The following CNTN4 variants were observed in gnomAD, a reference collection of about 807,000 sequenced individuals.
CNTN4 encodes the protein contactin 4.
Under a neutral mutation model 122.5 loss-of-function variants are expected in CNTN4, and 77 were observed. The ratio of observed to expected loss-of-function variants is 0.63; its 90% confidence interval spans 0.52 to 0.76. CNTN4 has a LOEUF of 0.76. Ranked by LOEUF, CNTN4 falls within the 30% of genes least tolerant of loss-of-function variation. The pLI is 0.00. For missense variants in CNTN4, 1,256 were observed against 1,259.1 expected, an observed-to-expected ratio of 1.00 and a Z score of 0.04; for synonymous variants, 512 against 447.0, an observed-to-expected ratio of 1.15 and a Z score of -1.83.
intron 6 of CNTN4, among the ~76,000 whole-genome samples, chr3:2,751,041 C>G (rs527535341): frequency 4.9e-4 from 74 of 152,234 alleles, no homozygotes; most frequent in Admixed American, 1.3e-3. Flanking sequence ...ATGGCTCATG[C>G]CTATAATTCC....
chr3:2,955,318 C>T (rs78917616), intron 13 of CNTN4, among the ~76,000 whole-genome samples: 10,511 of 152,184 alleles, frequency 0.069, 507 homozygotes, highest in Non-Finnish European at 0.097. Flanking sequence ...GAACTAGCAG[C>T]ACAGTAAATC....
At chr3:2,285,109 C>T (rs1449721297) in intron 2 of CNTN4, among the ~76,000 whole-genome samples, 2 of 151,840 alleles carry the variant, frequency 1.3e-5, no homozygotes, top group Non-Finnish European at 2.9e-5. Flanking sequence ...TATTTTCTTG[C>T]AACAAAGATG....
intron 3 of CNTN4, among the ~76,000 whole-genome samples, chr3:2,479,104 T>A (rs889897520): frequency 6.6e-6 from 1 of 152,204 alleles, no homozygotes; most frequent in East Asian, 1.9e-4. Flanking sequence ...GCACAGTCTA[T>A]GACTAGAAAG....
chr3:2,180,607 A>T (rs2036972426), intron 2 of CNTN4, among the ~76,000 whole-genome samples: 1 of 152,050 alleles, frequency 6.6e-6, no homozygotes, highest in South Asian at 2.1e-4. Flanking sequence ...TTCCTTATCC[A>T]TGTTTCCCAG....
At chr3:2,348,754 C>T (rs550795282) in intron 3 of CNTN4, among the ~76,000 whole-genome samples, 3 of 152,270 alleles carry the variant, frequency 2.0e-5, no homozygotes, top group Non-Finnish European at 4.4e-5. Context: ...GTTGCATTAT[C>T]CACAATGCTC....
chr3:2,928,750 C>T (rs1318277541), intron 13 of CNTN4, among the ~76,000 whole-genome samples: 1 of 152,162 alleles, frequency 6.6e-6, no homozygotes, highest in African/African-American at 2.4e-5. Flanking sequence ...CTTTGCTAAA[C>T]TCTTACTTAT....
chr3:2,747,646 T>G (rs1234016146), intron 6 of CNTN4, among the ~76,000 whole-genome samples: 1 of 151,978 alleles, frequency 6.6e-6, no homozygotes, highest in Non-Finnish European at 1.5e-5. Flanking sequence ...AACAAAAAGC[T>G]CTACCACTCA....
chr3:2,811,512 G>C (rs1407241340), intron 6 of CNTN4, among the ~76,000 whole-genome samples: 2 of 150,668 alleles, frequency 1.3e-5, no homozygotes, highest in African/African-American at 4.9e-5. Context: ...CCAGGCTAGA[G>C]TGCAGTGGCC....
chr3:2,402,262 A>G (rs2046884858), intron 3 of CNTN4, among the ~76,000 whole-genome samples: 1 of 152,082 alleles, frequency 6.6e-6, no homozygotes, highest in Admixed American at 6.6e-5. Context: ...GTTTGACAGA[A>G]TCTCTCTTAT....
intron 12 of CNTN4, among the ~76,000 whole-genome samples, chr3:2,914,356 T>C (rs955968612): frequency 1.6e-4 from 24 of 152,014 alleles, no homozygotes; most frequent in African/African-American, 5.8e-4. Flanking sequence ...AAAAAATCAG[T>C]GTAAACAAGA....
intron 3 of CNTN4, among the ~76,000 whole-genome samples, chr3:2,446,605 A>G (rs574228611): frequency 2.9e-4 from 44 of 152,278 alleles, no homozygotes; most frequent in African/African-American, 1.1e-3. Flanking sequence ...ACTCCTTGAA[A>G]TGAATTCAGA....
At chr3:2,608,084 G>A (rs1400189636) in intron 4 of CNTN4, among the ~76,000 whole-genome samples, 1 of 152,046 alleles carries the variant, frequency 6.6e-6, no homozygotes, top group Non-Finnish European at 1.5e-5. Flanking sequence ...GGAATTTATT[G>A]TAAGATCTAA....
intron 14 of CNTN4, among the ~76,000 whole-genome samples, chr3:3,006,290 C>T (rs1320130620): frequency 1.3e-5 from 2 of 152,204 alleles, no homozygotes; most frequent in Non-Finnish European, 2.9e-5. Context: ...AGAACACTCA[C>T]GTATACTCAT....
intron 6 of CNTN4, among the ~76,000 whole-genome samples, chr3:2,805,602 G>A (rs2092447620): frequency 1.3e-5 from 2 of 152,174 alleles, no homozygotes; most frequent in African/African-American, 4.8e-5. Context: ...ATCCAGTTGT[G>A]CCTTGTGGTG....
At chr3:2,824,519 C>T (rs2092946190) in intron 7 of CNTN4, among the ~76,000 whole-genome samples, 1 of 152,068 alleles carries the variant, frequency 6.6e-6, no homozygotes, top group African/African-American at 2.4e-5. Flanking sequence ...TGAGGCAGCA[C>T]CAGATTTAAG....
intron 7 of CNTN4, among the ~76,000 whole-genome samples, chr3:2,864,892 G>A (rs1395438299): frequency 6.6e-6 from 1 of 152,020 alleles, no homozygotes; most frequent in South Asian, 2.1e-4. Context: ...TAAATAATTA[G>A]GGGATAGGTA....
intron 15 of CNTN4, among the ~76,000 whole-genome samples, chr3:3,027,771 G>A (rs9836560): frequency 0.085 from 12,882 of 152,218 alleles, 627 homozygotes; most frequent in Admixed American, 0.11. Flanking sequence ...CGAAGTGGAC[G>A]TCCTACCATT....
chr3:2,533,668 G>C (rs2077687612), intron 3 of CNTN4, among the ~76,000 whole-genome samples: 1 of 152,150 alleles, frequency 6.6e-6, no homozygotes, highest in South Asian at 2.1e-4. Flanking sequence ...GGATGGCTGG[G>C]TCAAATGGTA....
At chr3:2,782,829 T>G (rs545675631) in intron 6 of CNTN4, among the ~76,000 whole-genome samples, 1 of 152,248 alleles carries the variant, frequency 6.6e-6, no homozygotes, top group East Asian at 1.9e-4. Flanking sequence ...AAAAGCAACT[T>G]AATGTTTATG....
Sources: gnomAD v4.1 joint callset for allele counts (sites outside exome capture counted in the v4.1 genomes callset) on GRCh38, gnomAD v4.1.1 for gene constraint, MANE v1.5 for transcripts, NCBI Gene and HGNC (gene_info 2026-07-23, HGNC 2026-07-21) for gene names.